Variants in PTPRT observed in about 807,000 individuals in gnomAD.
The protein encoded by PTPRT is receptor-type tyrosine-protein phosphatase T.
Under a neutral mutation model 176.8 loss-of-function variants are expected in PTPRT, and 56 were observed. That is an observed-to-expected ratio of 0.32 (90% CI 0.26 to 0.40). PTPRT has a LOEUF of 0.40. Ranked by LOEUF, PTPRT falls within the 10% of genes least tolerant of loss-of-function variation. PTPRT has a pLI of 1.00. For synonymous variants in PTPRT, 783 were observed against 739.0 expected (o/e 1.06, Z -0.96); for missense variants, 1,540 against 1,908.2 (o/e 0.81, Z 3.60).
chr20:42,945,290 T>G (rs1475168328), intron 1 of PTPRT, among the ~76,000 whole-genome samples: 1 of 152,062 alleles, frequency 6.6e-6, no homozygotes, highest in African/African-American at 2.4e-5. Context: ...TTAAATAAAT[T>G]GCCCAAAGGC....
At chr20:42,929,253 A>G (rs921549802) in intron 1 of PTPRT, among the ~76,000 whole-genome samples, 2 of 152,270 alleles carry the variant, frequency 1.3e-5, no homozygotes, top group Non-Finnish European at 2.9e-5. Context: ...AGACTAATTA[A>G]ATAAGTTGTG....
chr20:42,544,351 C>T (rs559077524), intron 7 of PTPRT, among the ~76,000 whole-genome samples: 1 of 152,298 alleles, frequency 6.6e-6, no homozygotes, highest in South Asian at 2.1e-4. Flanking sequence ...TTCCTTAAAC[C>T]TGATGAGCCA....
intron 9 of PTPRT, among the ~76,000 whole-genome samples, chr20:42,375,645 T>C (rs1243785221): frequency 6.6e-6 from 1 of 152,120 alleles, no homozygotes; most frequent in African/African-American, 2.4e-5. Flanking sequence ...TGGTATTCTG[T>C]TATAACAGAA....
chr20:42,463,591 T>C (rs2071057458), intron 8 of PTPRT, among the ~76,000 whole-genome samples: 2 of 152,056 alleles, frequency 1.3e-5, no homozygotes, highest in African/African-American at 2.4e-5. Context: ...TCTCCTCTCC[T>C]CTCCCCTTTC....
At chr20:42,190,510 A>G (rs1449637927) in intron 16 of PTPRT, among the ~76,000 whole-genome samples, 1 of 152,188 alleles carries the variant, frequency 6.6e-6, no homozygotes, top group Non-Finnish European at 1.5e-5. Context: ...TTCTACTATC[A>G]TGAAAGACAG....
At chr20:43,059,985 A>G (rs1023729445) in intron 1 of PTPRT, among the ~76,000 whole-genome samples, 1 of 149,974 alleles carries the variant, frequency 6.7e-6, no homozygotes. Context: ...ACAGAGTGAG[A>G]CTTTGTCTAA....
At chr20:42,598,345 T>C (rs2073712722) in intron 7 of PTPRT, among the ~76,000 whole-genome samples, 1 of 152,214 alleles carries the variant, frequency 6.6e-6, no homozygotes, top group African/African-American at 2.4e-5. Context: ...GTAGTTTTTA[T>C]GGTGTGAAAC....
chr20:42,525,651 G>C (rs2072255118), intron 7 of PTPRT, among the ~76,000 whole-genome samples: 1 of 152,176 alleles, frequency 6.6e-6, no homozygotes, highest in Non-Finnish European at 1.5e-5. Context: ...GTGAAAGTAA[G>C]TTGGGTAATT....
chr20:43,116,733 G>A (rs1004340113), intron 1 of PTPRT, among the ~76,000 whole-genome samples: 2 of 152,148 alleles, frequency 1.3e-5, no homozygotes, highest in Non-Finnish European at 1.5e-5. Flanking sequence ...CACCACAAAT[G>A]TAGGTACTTC....
At chr20:42,406,522 C>A (rs572098365) in intron 9 of PTPRT, among the ~76,000 whole-genome samples, 1 of 152,112 alleles carries the variant, frequency 6.6e-6, no homozygotes, top group South Asian at 2.1e-4. Context: ...ATAAAAACCA[C>A]CTCAGGTCTA....
At chr20:42,676,243 G>T (rs1448762510) in intron 7 of PTPRT, among the ~76,000 whole-genome samples, 1 of 151,966 alleles carries the variant, frequency 6.6e-6, no homozygotes, top group Non-Finnish European at 1.5e-5. Context: ...CCTCTTTTTT[G>T]ATGTGTCACT....
chr20:42,304,365 T>A (rs148455819), intron 12 of PTPRT, among the ~76,000 whole-genome samples: 1 of 152,288 alleles, frequency 6.6e-6, no homozygotes, highest in East Asian at 1.9e-4. Context: ...CTATCCCACC[T>A]GTGATATGTA....
At chr20:42,421,576 C>A (rs2059119565) in intron 9 of PTPRT, among the ~76,000 whole-genome samples, 2 of 151,898 alleles carry the variant, frequency 1.3e-5, no homozygotes, top group South Asian at 4.2e-4. Context: ...GGGAGGAGAG[C>A]AGACAGTGCT....
chr20:42,842,344 G>A (rs955528650), intron 2 of PTPRT, among the ~76,000 whole-genome samples: 2 of 152,324 alleles, frequency 1.3e-5, no homozygotes, highest in Admixed American at 6.5e-5. Flanking sequence ...CACTCTGTCA[G>A]GCCAGGGTTG....
At chr20:42,117,183 C>T (rs560899123) in intron 21 of PTPRT, among the ~76,000 whole-genome samples, 3 of 152,222 alleles carry the variant, frequency 2.0e-5, no homozygotes, top group Non-Finnish European at 4.4e-5. Flanking sequence ...TCCTAAATTC[C>T]CATTAGGCCC....
At chr20:42,352,056 T>C in intron 10 of PTPRT, 28 bp downstream of exon 10, 1 of 1,599,004 alleles carries the variant, frequency 6.3e-7, no homozygotes, top group Non-Finnish European at 8.6e-7. Context: ...AACAACCTTT[T>C]TTCCTTTTTC....
intron 6 of PTPRT, among the ~76,000 whole-genome samples, chr20:42,727,619 TAAGAA>T (rs1174127020): frequency 2.6e-5 from 4 of 152,128 alleles, no homozygotes; most frequent in Non-Finnish European, 5.9e-5. Context: ...GAAGAACAAG[TAAGAA>T]AAGGACAACT....
At chr20:42,785,267 C>T (rs2145518050) in intron 3 of PTPRT, among the ~76,000 whole-genome samples, 1 of 152,244 alleles carries the variant, frequency 6.6e-6, no homozygotes, top group African/African-American at 2.4e-5. Flanking sequence ...AGAAAGCTCA[C>T]TAATGAGAAA....
intron 1 of PTPRT, among the ~76,000 whole-genome samples, chr20:42,977,987 T>G (rs1023531860): frequency 1.3e-5 from 2 of 152,082 alleles, no homozygotes; most frequent in African/African-American, 2.4e-5. Context: ...GTACCCAACC[T>G]TATACATACT....
Sources: allele counts gnomAD v4.1 joint callset (sites outside exome capture counted in the v4.1 genomes callset), GRCh38; gene constraint gnomAD v4.1.1; transcripts MANE v1.5; gene names NCBI Gene and HGNC (gene_info 2026-07-23, HGNC 2026-07-21).